Variants in OXNAD1 observed in about 807,000 individuals in gnomAD.
The protein encoded by OXNAD1 is oxidoreductase NAD-binding domain-containing protein 1.
In OXNAD1, 34 loss-of-function variants were observed where a neutral mutation model predicts 32.9. The ratio of observed to expected loss-of-function variants is 1.03; its 90% CI spans 0.79 to 1.38. The LOEUF is 1.38. OXNAD1 is among the 40% of genes most tolerant of loss of function. The pLI is 0.00. For missense variants in OXNAD1, 407 were observed against 379.4 expected, an observed-to-expected ratio of 1.07 and a Z score of -0.60; for synonymous variants, 134 against 135.2, an observed-to-expected ratio of 0.99 and a Z score of 0.06.
In OXNAD1 at chr3:16,299,678, C is replaced by G. The variant is rs2067040060; in HGVS notation, c.433-1948C>G. ...ACTGCTCACCTGACATGCAAGGTGC[C>G]AAGGTGTGAATGCTAAGGGTTTGGT... On this transcript the variant is annotated intron_variant, in intron 6 of 8. Transcript: ENST00000285083. This position sits in a 1 kb window ranked among gnomAD's most constrained non-coding sequence, Gnocchi z 4.4. Among the ~76,000 whole-genome samples, 1 of 152,130 alleles carries G rather than the reference C, an allele frequency of 6.6e-6. No individual in the cohort carries two copies. The highest frequency in any genetic ancestry group is 1.5e-5 in the Non-Finnish European group (1 of 68,018).
chr3:16,286,984 A>C (rs1383304866), intron 5 of OXNAD1, among the ~76,000 whole-genome samples: 1 of 152,156 alleles, frequency 6.6e-6, no homozygotes, highest in East Asian at 1.9e-4. Flanking sequence ...TACTTTGCCT[A>C]ATTTGTTATC....
intron 1 of OXNAD1, among the ~76,000 whole-genome samples, chr3:16,267,822 A>C (rs2064639241): frequency 6.6e-6 from 1 of 152,180 alleles, no homozygotes; most frequent in African/African-American, 2.4e-5. Context: ...AGTGCCTGGC[A>C]CCCCTGTAGT....
intron 1 of OXNAD1, 59 bp from the exon 2 acceptor site, chr3:16,269,066 GT>G (rs1381581429): frequency 7.3e-6 from 10 of 1,371,086 alleles, no homozygotes; most frequent in Non-Finnish European, 9.4e-6. Flanking sequence ...CAGCTAAGAG[GT>G]AATAGTGCTT....
In OXNAD1 at chr3:16,312,137, G is replaced by A. The variant is rs1287101237; in HGVS notation, c.*30+8545G>A. On this transcript the variant is annotated intron_variant, in intron 9 of 9. Transcript: ENST00000435829. The surrounding 1 kb of genome is among the most constrained non-coding windows in gnomAD (Gnocchi z 4.7). ...GCCACTGAAACGATTGTTATCAACAGGAACCTGTGGTGAACATCACTTTGC... is the reference window on the plus strand; with the variant it reads ...GCCACTGAAACGATTGTTATCAACAAGAACCTGTGGTGAACATCACTTTGC... 6.6e-6 allele frequency among the ~76,000 whole-genome samples: 1 copy of A among 152,198 alleles called. No homozygotes were observed. Among genetic ancestry groups the A allele is most frequent in the African/African-American group, 2.4e-5 (1 of 41,442 alleles).
At chr3:16,270,487 G>A (rs1463504468) in intron 2 of OXNAD1, among the ~76,000 whole-genome samples, 3 of 152,088 alleles carry the variant, frequency 2.0e-5, no homozygotes, top group African/African-American at 7.2e-5. Flanking sequence ...TTCTGTTTTG[G>A]TTTTTTAATA....
chr3:16,268,278 C>G (rs2124957423), intron 1 of OXNAD1, among the ~76,000 whole-genome samples: 1 of 139,678 alleles, frequency 7.2e-6, no homozygotes, highest in Non-Finnish European at 1.5e-5. Flanking sequence ...TGGTTACTTT[C>G]ACAAAATAAA....
chr3:16,311,016 C>CAAAAAAA, downstream of OXNAD1, among the ~76,000 whole-genome samples: 1 of 100,726 alleles, frequency 9.9e-6, no homozygotes, highest in African/African-American at 4.3e-5. Context: ...AAAAAAAAAT[C>CAAAAAAA]ATCTGGGAGA....
rs945063658 is a variant in OXNAD1 at position 16,290,905 on chromosome 3, A to T, written c.291-3951A>T. Among the ~76,000 whole-genome samples the T allele has an allele frequency of 7.9e-5, 12 of 152,136 alleles. No individual in the cohort carries two copies. Among genetic ancestry groups the T allele is most frequent in the African/African-American group, 2.9e-4 (12 of 41,424 alleles). ...GTAGGTAAGCAACTGGGGAAGGATGATACTTTTTGCTCTTGTGATGGCTGT... is the reference window on the plus strand; with the variant it reads ...GTAGGTAAGCAACTGGGGAAGGATGTTACTTTTTGCTCTTGTGATGGCTGT... On this transcript the variant is annotated intron_variant, in intron 5 of 8. Coordinates refer to ENST00000285083, the MANE Select transcript of OXNAD1 (RefSeq NM_138381.5). The surrounding 1 kb of genome is among the most constrained non-coding windows in gnomAD (Gnocchi z 4.2).
chr3:16,323,332 A>G, intron 9 of OXNAD1: 1 of 1,391,406 alleles, frequency 7.2e-7, no homozygotes, highest in Non-Finnish European at 1.0e-6. Context: ...CTGAAGATGA[A>G]GCCCTGCTGA....
At position 16,290,694 on chromosome 3, in the gene OXNAD1, A is replaced by G. The variant is rs765347808; in HGVS notation, c.291-4162A>G. On this transcript the variant is annotated intron_variant, in intron 5 of 8. Transcript: ENST00000285083. The surrounding 1 kb of genome is among the most constrained non-coding windows in gnomAD (Gnocchi z 4.2). ...AAGAAAGTTAAAGTACTCATGGAAAAGAGTCAAGTGAAAATAGGTTAAAGT... is the reference window on the plus strand; with the variant it reads ...AAGAAAGTTAAAGTACTCATGGAAAGGAGTCAAGTGAAAATAGGTTAAAGT... 1.3e-5 allele frequency among the ~76,000 whole-genome samples: 2 copies of G among 152,262 alleles called. No individual in the cohort carries two copies. Among genetic ancestry groups the G allele is most frequent in the Admixed American group, 1.3e-4 (2 of 15,286 alleles).
Position 16,316,529 on chromosome 3 carries a change from C to A in OXNAD1, c.*30+12937C>A, listed in dbSNP as rs1443456616. ...GAGGACAGGCACTGGATGGTCCAGA[C>A]CCTCTGGCTGGAGGAGTGGTGGAGC... On this transcript the variant is annotated intron_variant, in intron 9 of 9. Transcript: ENST00000435829. The surrounding 1 kb of genome is among the most constrained non-coding windows in gnomAD (Gnocchi z 4.5). The A allele has an allele frequency of 3.6e-5, 16 of 439,280 alleles. No individual in the cohort carries two copies. The highest frequency in any genetic ancestry group is 6.6e-5 in the Non-Finnish European group (16 of 241,078). The allele number at this position is 439,280 out of a possible 1,614,324, so 27.2% of individuals were successfully genotyped here. A position where few individuals can be genotyped will look rare whatever the true frequency, so the allele number is the denominator to read the frequency against.
At chr3:16,331,929 T>G (rs2070356384) in intron 9 of OXNAD1, among the ~76,000 whole-genome samples, 1 of 152,250 alleles carries the variant, frequency 6.6e-6, no homozygotes, top group Non-Finnish European at 1.5e-5. Flanking sequence ...GTCAAAATTT[T>G]GAAAGTACCT....
intron 9 of OXNAD1, chr3:16,313,661 T>A (rs1223565653): frequency 6.6e-6 from 1 of 152,140 alleles, no homozygotes; most frequent in Non-Finnish European, 1.5e-5. Context: ...ATTTCACACT[T>A]GAGGCGATTG....
intron 4 of OXNAD1, among the ~76,000 whole-genome samples, chr3:16,276,807 T>A (rs1286430551): frequency 1.3e-5 from 2 of 152,046 alleles, no homozygotes; most frequent in Non-Finnish European, 2.9e-5. Context: ...TAATGCAAAC[T>A]CTTGAGAATT....
intron 9 of OXNAD1, among the ~76,000 whole-genome samples, chr3:16,313,372 T>C (rs1390400545): frequency 6.6e-6 from 1 of 151,622 alleles, no homozygotes; most frequent in African/African-American, 2.4e-5. Flanking sequence ...GTGCTGAGGG[T>C]GTTGGAGATG....
Position 16,277,713 on chromosome 3 carries a change from T to C in OXNAD1, c.183+5991T>C, listed in dbSNP as rs1355322193. ...TGGAATACTCACCCAGAAATGTTCT[T>C]TTGGTTTTGGGCATGTATTTCCTCT... On this transcript the variant is annotated intron_variant, in intron 4 of 8. Transcript: ENST00000285083. This position sits in a 1 kb window ranked among gnomAD's most constrained non-coding sequence, Gnocchi z 4.3. Among the ~76,000 whole-genome samples, 2 of 152,194 alleles carry C rather than the reference T, an allele frequency of 1.3e-5. No homozygotes were observed. Among genetic ancestry groups the C allele is most frequent in the Non-Finnish European group, 2.9e-5 (2 of 68,026 alleles).
chr3:16,301,425 T>C lies in OXNAD1; in HGVS notation c.433-201T>C, dbSNP rs1437600403. Among the ~76,000 whole-genome samples the C allele has an allele frequency of 6.6e-6, 1 of 152,182 alleles. No homozygotes were observed. The highest frequency in any genetic ancestry group is 1.5e-5 in the Non-Finnish European group (1 of 68,016). On this transcript the variant is annotated intron_variant, in intron 6 of 8. Coordinates refer to ENST00000285083, the MANE Select transcript of OXNAD1 (RefSeq NM_138381.5). This position sits in a 1 kb window ranked among gnomAD's most constrained non-coding sequence, Gnocchi z 4.1. ...TATTGGAATGGCTGTTCATTATGGA[T>C]TACGAAGGTGGATTAGCCTGTGGCC...
chr3:16,330,715 T>C (rs2070225010), intron 9 of OXNAD1, among the ~76,000 whole-genome samples: 1 of 152,238 alleles, frequency 6.6e-6, no homozygotes, highest in East Asian at 1.9e-4. Flanking sequence ...GGCTCTTTTT[T>C]CCTTTGTTCC....
intron 9 of OXNAD1, among the ~76,000 whole-genome samples, chr3:16,343,451 C>T (rs2071440931): frequency 6.6e-6 from 1 of 152,168 alleles, no homozygotes; most frequent in Non-Finnish European, 1.5e-5. Flanking sequence ...GTTTTTTCCT[C>T]CTCCAAGATA....
Sources: allele counts gnomAD v4.1 joint callset (sites outside exome capture counted in the v4.1 genomes callset), GRCh38; gene constraint gnomAD v4.1.1; non-coding constraint Gnocchi (gnomAD v3.1); transcripts MANE v1.5; gene names NCBI Gene and HGNC (gene_info 2026-07-23, HGNC 2026-07-21).